PRKCB: variants seen among roughly 807,000 people sequenced by gnomAD.
The protein encoded by PRKCB is protein kinase C beta, also known as protein kinase C beta type.
Under a neutral mutation model 81.5 loss-of-function variants are expected in PRKCB, and 13 were observed. The ratio of observed to expected loss-of-function variants is 0.16; its 90% CI spans 0.10 to 0.25. PRKCB has a LOEUF of 0.25. Ranked by LOEUF, PRKCB falls within the 10% of genes least tolerant of loss-of-function variation. The pLI, the probability that PRKCB is intolerant of heterozygous loss-of-function variation, is 1.00. For synonymous variants in PRKCB, 335 were observed against 321.4 expected (o/e 1.04, Z -0.45); for missense variants, 509 against 875.7 (o/e 0.58, Z 5.29).
intron 1 of PRKCB, 102 bp downstream of exon 1, chr16:23,836,450 C>A (rs2141070730): frequency 6.8e-7 from 1 of 1,472,674 alleles, no homozygotes; most frequent in Non-Finnish European, 9.1e-7. Flanking sequence ...CCTCCGCACC[C>A]TGGGACCCCG....
At chr16:24,023,363 G>A (rs1167903764) in intron 3 of PRKCB, among the ~76,000 whole-genome samples, 1 of 152,176 alleles carries the variant, frequency 6.6e-6, no homozygotes, top group Non-Finnish European at 1.5e-5. Flanking sequence ...TTAAAGGCAG[G>A]ACTGATACTT....
intron 5 of PRKCB, among the ~76,000 whole-genome samples, chr16:24,035,992 C>A (rs1407511937): frequency 6.6e-6 from 1 of 152,160 alleles, no homozygotes; most frequent in Non-Finnish European, 1.5e-5. Context: ...TGATGATAAA[C>A]CCCAGATTTG....
At chr16:24,204,722 A>C (rs559729210) in intron 16 of PRKCB, among the ~76,000 whole-genome samples, 1 of 152,348 alleles carries the variant, frequency 6.6e-6, no homozygotes, top group South Asian at 2.1e-4. Context: ...AAACTAAAAA[A>C]CATCCATTCA....
chr16:24,157,106 A>G (rs540668502), intron 10 of PRKCB, among the ~76,000 whole-genome samples: 1 of 152,310 alleles, frequency 6.6e-6, no homozygotes, highest in Non-Finnish European at 1.5e-5. Flanking sequence ...CCTATATTTC[A>G]ATATGCTTTC....
At chr16:23,887,352 T>C (rs877657) in intron 2 of PRKCB, among the ~76,000 whole-genome samples, 74,232 of 152,046 alleles carry the variant, frequency 0.49, 18,634 homozygotes, top group East Asian at 0.62. Flanking sequence ...CCCCCTTCTC[T>C]CCCTCCTTTC....
chr16:24,194,152 C>A (rs1250484485), intron 16 of PRKCB, among the ~76,000 whole-genome samples: 1 of 151,976 alleles, frequency 6.6e-6, no homozygotes, highest in African/African-American at 2.4e-5. Context: ...CATAGTGAAA[C>A]CCCATCTGTA....
chr16:24,123,232 G>A (rs977564414), intron 8 of PRKCB, among the ~76,000 whole-genome samples: 8 of 152,294 alleles, frequency 5.3e-5, no homozygotes, highest in African/African-American at 1.9e-4. Flanking sequence ...GGAGAGAATA[G>A]CCATTTGTAC....
intron 16 of PRKCB, among the ~76,000 whole-genome samples, chr16:24,192,734 T>C (rs1249148752): frequency 6.6e-6 from 1 of 152,166 alleles, no homozygotes. Flanking sequence ...GAGCCAGCGG[T>C]ATTGACATCT....
chr16:24,151,499 G>A (rs1469962402), intron 9 of PRKCB, among the ~76,000 whole-genome samples: 1 of 152,212 alleles, frequency 6.6e-6, no homozygotes, highest in African/African-American at 2.4e-5. Context: ...ATTGAAGTGC[G>A]GAAATGCCTG....
At chr16:24,158,842 G>A (rs1394049065) in intron 10 of PRKCB, among the ~76,000 whole-genome samples, 1 of 151,924 alleles carries the variant, frequency 6.6e-6, no homozygotes, top group Non-Finnish European at 1.5e-5. Flanking sequence ...AAAATATTTT[G>A]TAGAAACAGG....
chr16:23,842,443 G>A (rs1033143255), intron 2 of PRKCB, among the ~76,000 whole-genome samples: 2 of 152,184 alleles, frequency 1.3e-5, no homozygotes, highest in Non-Finnish European at 2.9e-5. Flanking sequence ...CTTGTTAAAT[G>A]ACTAGGCCTC....
chr16:23,988,577 G>A lies in PRKCB; in HGVS notation c.275G>A (p.Gly92Asp). The A allele has an allele frequency of 6.2e-7, 1 of 1,614,068 alleles. No individual in the cohort carries two copies. The highest frequency in any genetic ancestry group is 8.5e-7 in the Non-Finnish European group (1 of 1,179,934). The change falls in exon 3 of 17, where the codon GGT becomes GAT. Residue 92 changes from glycine (G) to aspartate (D), a missense_variant. This residue lies in a region of PRKCB where 184 missense variants were observed against 362.9 expected (regional missense o/e 0.51). Coordinates refer to ENST00000643927, the MANE Select transcript of PRKCB (RefSeq NM_002738.7). Reference protein sequence around the residue: ...VTFSCPGADKGPASDDPRSKH... With the variant: ...VTFSCPGADKDPASDDPRSKH... Reference sequence around the variant, plus strand: ...TTCTCCTGCCCTGGCGCTGACAAGGGTCCAGCCTCCGATGTAAGTAATGGG... The same window carrying A: ...TTCTCCTGCCCTGGCGCTGACAAGGATCCAGCCTCCGATGTAAGTAATGGG...
intron 2 of PRKCB, among the ~76,000 whole-genome samples, chr16:23,858,473 A>G (rs940996885): frequency 5.3e-5 from 8 of 152,188 alleles, no homozygotes; most frequent in African/African-American, 1.4e-4. Context: ...TGCCACAGCA[A>G]TGAATGAAAC....
At chr16:24,157,035 T>A (rs1313394457) in intron 10 of PRKCB, among the ~76,000 whole-genome samples, 1 of 152,150 alleles carries the variant, frequency 6.6e-6, no homozygotes, top group African/African-American at 2.4e-5. Flanking sequence ...TTTATTATTT[T>A]AAAAATGATT....
chr16:24,171,144 G>T (rs139225588), intron 10 of PRKCB, among the ~76,000 whole-genome samples: 1 of 152,308 alleles, frequency 6.6e-6, no homozygotes, highest in East Asian at 1.9e-4. Context: ...ATTTGGGAAT[G>T]CTTTACCTAG....
chr16:23,897,214 G>A (rs929779727), intron 2 of PRKCB, among the ~76,000 whole-genome samples: 1 of 152,208 alleles, frequency 6.6e-6, no homozygotes, highest in Non-Finnish European at 1.5e-5. Context: ...CACACGTGCT[G>A]TGCTCTGTAG....
intron 9 of PRKCB, among the ~76,000 whole-genome samples, chr16:24,138,491 T>C (rs142682450): frequency 1.4e-3 from 215 of 152,358 alleles, no homozygotes; most frequent in African/African-American, 4.9e-3. Context: ...CTTTGTCAAA[T>C]ATAACATAGG....
chr16:24,039,290 A>G (rs769458592), intron 5 of PRKCB, among the ~76,000 whole-genome samples: 39 of 152,174 alleles, frequency 2.6e-4, no homozygotes, highest in Middle Eastern at 3.4e-3. Flanking sequence ...GTGCAGTGGC[A>G]TGATCTCTGC....
intron 2 of PRKCB, among the ~76,000 whole-genome samples, chr16:23,920,474 C>T (rs1597246246): frequency 6.6e-6 from 1 of 152,222 alleles, no homozygotes; most frequent in East Asian, 1.9e-4. Context: ...GAGTACAGTT[C>T]TGAAGATAAC....
Sources: allele counts gnomAD v4.1 joint callset (sites outside exome capture counted in the v4.1 genomes callset), GRCh38; gene constraint gnomAD v4.1.1; regional missense constraint gnomAD v4.1.1; transcripts MANE v1.5; gene names NCBI Gene and HGNC (gene_info 2026-07-23, HGNC 2026-07-21).